KCNIP4: variants seen among roughly 807,000 people sequenced by gnomAD.
KCNIP4 encodes potassium voltage-gated channel interacting protein 4.
A neutral mutation model predicts 34.0 loss-of-function variants in KCNIP4; 12 were observed. That is an observed-to-expected ratio of 0.35 (90% confidence interval 0.23 to 0.57). The LOEUF is 0.57. Among genes scored for constraint, KCNIP4 ranks in the 20% least tolerant of loss-of-function variants. The probability of loss-of-function intolerance (pLI) is 0.83; values close to 1 mark genes in which losing one functional copy is unlikely to be tolerated. For synonymous variants in KCNIP4, 124 were observed against 102.2 expected (o/e 1.21, Z -1.29); for missense variants, 238 against 311.7 (o/e 0.76, Z 1.78).
chr4:20,972,417 G>A (rs145175596), intron 1 of KCNIP4, among the ~76,000 whole-genome samples: 130 of 152,288 alleles, frequency 8.5e-4, no homozygotes, highest in Middle Eastern at 3.4e-3. Context: ...AATGGATGTT[G>A]TGTTCAGAGG....
At chr4:21,351,513 T>G (rs1308580433) in intron 1 of KCNIP4, among the ~76,000 whole-genome samples, 1 of 152,202 alleles carries the variant, frequency 6.6e-6, no homozygotes, top group Non-Finnish European at 1.5e-5. Flanking sequence ...CTTATTTTTC[T>G]TTATAAATTA....
At chr4:21,429,020 C>T (rs1355055547) in intron 1 of KCNIP4, among the ~76,000 whole-genome samples, 2 of 152,110 alleles carry the variant, frequency 1.3e-5, no homozygotes, top group African/African-American at 4.8e-5. Flanking sequence ...AGGGTTCATG[C>T]TTGATACTCT....
intron 1 of KCNIP4, among the ~76,000 whole-genome samples, chr4:21,743,129 C>T (rs1560680849): frequency 6.6e-6 from 1 of 152,108 alleles, no homozygotes; most frequent in Non-Finnish European, 1.5e-5. Flanking sequence ...AATGAATTAT[C>T]ACAAACTTGG....
At chr4:20,743,426 A>T (rs1751650948) in intron 5 of KCNIP4, among the ~76,000 whole-genome samples, 1 of 152,320 alleles carries the variant, frequency 6.6e-6, no homozygotes, top group East Asian at 1.9e-4. Flanking sequence ...ACAGAGATAT[A>T]GACCAATGGA....
chr4:21,837,870 T>G (rs1723448797), intron 1 of KCNIP4, among the ~76,000 whole-genome samples: 2 of 152,138 alleles, frequency 1.3e-5, no homozygotes, highest in Non-Finnish European at 2.9e-5. Flanking sequence ...TCCATCAATA[T>G]TTCTACTAAA....
At chr4:21,165,621 T>G (rs1189166495) in intron 1 of KCNIP4, among the ~76,000 whole-genome samples, 1 of 152,092 alleles carries the variant, frequency 6.6e-6, no homozygotes, top group African/African-American at 2.4e-5. Context: ...ATCTTAGTAC[T>G]CTTGGATTAG....
chr4:21,402,822 C>A (rs549401739), intron 1 of KCNIP4, among the ~76,000 whole-genome samples: 61 of 152,156 alleles, frequency 4.0e-4, no homozygotes, highest in Non-Finnish European at 8.4e-4. Context: ...ATTCTTCCCT[C>A]TTCACTGGAT....
chr4:21,293,370 C>G (rs986985599), intron 1 of KCNIP4, among the ~76,000 whole-genome samples: 3 of 152,152 alleles, frequency 2.0e-5, no homozygotes, highest in African/African-American at 7.2e-5. Context: ...AAAGTCCATA[C>G]TCTCTCCACT....
At chr4:21,582,958 C>T (rs1198293686) in intron 1 of KCNIP4, among the ~76,000 whole-genome samples, 1 of 151,878 alleles carries the variant, frequency 6.6e-6, no homozygotes, top group Non-Finnish European at 1.5e-5. Flanking sequence ...CAAAGATTCT[C>T]ATTGCCTTTC....
chr4:21,519,749 G>A (rs1391287473), intron 1 of KCNIP4, among the ~76,000 whole-genome samples: 4 of 132,992 alleles, frequency 3.0e-5, no homozygotes, highest in South Asian at 2.5e-4. Flanking sequence ...TGATACACAC[G>A]TGTGTGTATG....
intron 1 of KCNIP4, among the ~76,000 whole-genome samples, chr4:21,421,852 C>T (rs1725478660): frequency 6.6e-6 from 1 of 152,122 alleles, no homozygotes; most frequent in African/African-American, 2.4e-5. Context: ...AAAACATCAC[C>T]TCTATATGAG....
Position 20,999,634 on chromosome 4 carries a change from G to A in KCNIP4, c.62-116925C>T, listed in dbSNP as rs973851374. 1.4e-4 allele frequency among the ~76,000 whole-genome samples: 22 copies of A among 151,854 alleles called. 1 individual carries two copies. The highest frequency in any genetic ancestry group is 5.3e-4 in the African/African-American group (22 of 41,422). Reference sequence around the variant, plus strand: ...TTAAGAGGCTGTTTCAGAAATTCAGGGACAGATGATTTAGGAATGTGGCAA... The same window carrying A: ...TTAAGAGGCTGTTTCAGAAATTCAGAGACAGATGATTTAGGAATGTGGCAA... On this transcript the variant is annotated intron_variant, in intron 1 of 8. Transcript: ENST00000382152.
chr4:20,903,976 C>G (rs191323052), intron 1 of KCNIP4, among the ~76,000 whole-genome samples: 1 of 152,082 alleles, frequency 6.6e-6, no homozygotes, highest in Non-Finnish European at 1.5e-5. Flanking sequence ...GTGCCTGGCT[C>G]TACTTGATGG....
intron 8 of KCNIP4, chr4:20,731,791 G>A (rs948151490): frequency 4.9e-5 from 48 of 985,216 alleles, no homozygotes; most frequent in Non-Finnish European, 5.5e-5. Flanking sequence ...TATCCCCAGG[G>A]TTTCCTCCAT....
intron 2 of KCNIP4, among the ~76,000 whole-genome samples, chr4:20,863,369 T>A (rs1722417700): frequency 6.6e-6 from 1 of 152,118 alleles, no homozygotes. Flanking sequence ...ATCAACTGAT[T>A]CATCAAGTGC....
chr4:21,866,361 A>T (rs1725413956), intron 1 of KCNIP4, among the ~76,000 whole-genome samples: 1 of 152,172 alleles, frequency 6.6e-6, no homozygotes, highest in Non-Finnish European at 1.5e-5. Flanking sequence ...TCAGGGGAAA[A>T]AGCAGAAAGC....
At chr4:21,203,733 T>A (rs1392951511) in intron 1 of KCNIP4, among the ~76,000 whole-genome samples, 1 of 152,208 alleles carries the variant, frequency 6.6e-6, no homozygotes, top group Non-Finnish European at 1.5e-5. Context: ...ACTATGCCCA[T>A]GATGCAACTT....
intron 1 of KCNIP4, among the ~76,000 whole-genome samples, chr4:21,562,577 T>C (rs1739558799): frequency 6.6e-6 from 1 of 152,060 alleles, no homozygotes; most frequent in Admixed American, 6.6e-5. Context: ...ACTTTTATTA[T>C]CAGAACCAAA....
chr4:20,856,021 C>A (rs1284431307), intron 2 of KCNIP4, among the ~76,000 whole-genome samples: 1 of 151,992 alleles, frequency 6.6e-6, no homozygotes, highest in African/African-American at 2.4e-5. Flanking sequence ...TGGGGAAAAT[C>A]AAAAAAGCCA....
Sources: allele counts gnomAD v4.1 joint callset (sites outside exome capture counted in the v4.1 genomes callset), GRCh38; gene constraint gnomAD v4.1.1; transcripts MANE v1.5; gene names NCBI Gene and HGNC (gene_info 2026-07-23, HGNC 2026-07-21).